DKK4: variants seen among roughly 807,000 people sequenced by gnomAD.
DKK4 encodes the protein dickkopf Wnt signaling pathway inhibitor 4.
In DKK4, 15 loss-of-function variants were observed where a neutral mutation model predicts 14.5. The ratio of observed to expected loss-of-function variants is 1.03; its 90% CI spans 0.69 to 1.59. The LOEUF is 1.59. Among genes scored for constraint, DKK4 ranks in the 40% most tolerant of loss-of-function variants. The pLI, the probability that DKK4 is intolerant of heterozygous loss-of-function variation, is 0.00. For missense variants in DKK4, 272 were observed against 280.3 expected, an observed-to-expected ratio of 0.97 and a Z score of 0.21; for synonymous variants, 89 against 105.2, an observed-to-expected ratio of 0.85 and a Z score of 0.94.
the DKK4 span, among the ~76,000 whole-genome samples, chr8:42,390,577 A>G: frequency 1.3e-5 from 2 of 150,548 alleles, no homozygotes; most frequent in East Asian, 3.9e-4. Context: ...GTTAGCCAGG[A>G]TGGTCTCGAT....
At chr8:42,376,870 A>G in intron 1 of DKK4, 65 bp downstream of exon 1, 1 of 1,319,310 alleles carries the variant, frequency 7.6e-7, no homozygotes, top group Non-Finnish European at 1.1e-6. Context: ...GACTTACTAA[A>G]GCCTAAACAA....
upstream of DKK4, among the ~76,000 whole-genome samples, chr8:42,379,173 C>T (rs1824617588): frequency 6.7e-6 from 1 of 148,890 alleles, no homozygotes; most frequent in South Asian, 2.1e-4. Flanking sequence ...ATTGTTTGAA[C>T]CTAGGAGACC....
At chr8:42,376,444 G>A (rs985730685) in intron 1 of DKK4, among the ~76,000 whole-genome samples, 3 of 152,134 alleles carry the variant, frequency 2.0e-5, no homozygotes, top group South Asian at 2.1e-4. Flanking sequence ...TACATAAAGC[G>A]ATTCCTAAAA....
At chr8:42,379,151 T>C (rs1222785565), upstream of DKK4, among the ~76,000 whole-genome samples, 1 of 148,950 alleles carries the variant, frequency 6.7e-6, no homozygotes, top group Non-Finnish European at 1.5e-5. Context: ...CTCGGGAGGC[T>C]GAGGCAGGAG....
At chr8:42,383,000 T>G in the DKK4 span, among the ~76,000 whole-genome samples, 1 of 152,240 alleles carries the variant, frequency 6.6e-6, no homozygotes, top group Non-Finnish European at 1.5e-5. Flanking sequence ...TTATTTGTTA[T>G]GCCTCCTGTG....
the DKK4 span, among the ~76,000 whole-genome samples, chr8:42,388,997 C>A: frequency 6.6e-6 from 1 of 152,224 alleles, no homozygotes; most frequent in Non-Finnish European, 1.5e-5. Context: ...GGCTGTAGCG[C>A]AGTGGCGCAA....
the DKK4 span, among the ~76,000 whole-genome samples, chr8:42,390,575 G>C: frequency 5.9e-5 from 9 of 151,382 alleles, no homozygotes. Flanking sequence ...GTGTTAGCCA[G>C]GATGGTCTCG....
chr8:42,374,972 C>T, intron 2 of DKK4, 59 bp from the exon 3 acceptor site: 1 of 1,561,804 alleles, frequency 6.4e-7, no homozygotes, highest in South Asian at 1.1e-5. Context: ...ACCACAGACA[C>T]ACTAATTATC....
upstream of DKK4, among the ~76,000 whole-genome samples, chr8:42,377,771 A>G (rs2130874780): frequency 6.6e-6 from 1 of 152,346 alleles, no homozygotes; most frequent in Non-Finnish European, 1.5e-5. Flanking sequence ...TTGTGAACGT[A>G]ACAGCACCTG....
At chr8:42,374,422 T>C in intron 3 of DKK4, 63 bp from the exon 4 acceptor site, 1 of 1,599,340 alleles carries the variant, frequency 6.3e-7, no homozygotes, top group Non-Finnish European at 8.5e-7. Flanking sequence ...GGGGGTTTGC[T>C]ACTGGGATAA....
upstream of DKK4, among the ~76,000 whole-genome samples, chr8:42,378,840 C>T (rs1824609740): frequency 6.6e-6 from 1 of 150,934 alleles, no homozygotes. Context: ...GGCACAGTGG[C>T]TCACACCTGT....
Position 42,375,673 on chromosome 8 carries a change from C to G in DKK4, c.262+7G>C, listed in dbSNP as rs111605859. The G allele has an allele frequency of 3.7e-6, 6 of 1,612,794 alleles. 1 individual carries two copies. Among genetic ancestry groups the G allele is most frequent in the Admixed American group, 3.3e-5 (2 of 60,004 alleles). ...TTAAAAACCACTGTTGGCGTTATGT[C>G]GCTCACCGTTCACACAGAGTGTCCC... On this transcript the variant is annotated splice_region_variant and intron_variant, in intron 2 of 3. Coordinates refer to ENST00000220812, the MANE Select transcript of DKK4 (RefSeq NM_014420.3).
chr8:42,385,901 C>T, the DKK4 span, among the ~76,000 whole-genome samples: 1 of 151,974 alleles, frequency 6.6e-6, no homozygotes, highest in African/African-American at 2.4e-5. Context: ...TAAAATTTTC[C>T]CAATTTTTTT....
chr8:42,374,511 TA>T, intron 3 of DKK4, 152 bp from the exon 4 acceptor site: 3 of 1,139,764 alleles, frequency 2.6e-6, no homozygotes, highest in Non-Finnish European at 2.5e-6. Context: ...GGTGTTACGC[TA>T]AAAGCAGTAA....
chr8:42,390,402 C>G, the DKK4 span, among the ~76,000 whole-genome samples: 1 of 123,474 alleles, frequency 8.1e-6, no homozygotes, highest in Admixed American at 1.0e-4. Context: ...CTCGCTCTGT[C>G]GCCCAGGCTG....
chr8:42,383,889 G>A, the DKK4 span, among the ~76,000 whole-genome samples: 5 of 152,174 alleles, frequency 3.3e-5, no homozygotes, highest in East Asian at 9.6e-4. Context: ...GTTGCCGTGA[G>A]CCAAGATCAT....
upstream of DKK4, among the ~76,000 whole-genome samples, chr8:42,379,380 G>GT (rs1824627237): frequency 1.4e-4 from 2 of 13,878 alleles, no homozygotes; most frequent in Admixed American, 1.2e-3. Context: ...TATATATATA[G>GT]AGAGAGAGAG....
the DKK4 span, among the ~76,000 whole-genome samples, chr8:42,384,100 G>C: frequency 6.6e-6 from 1 of 152,124 alleles, no homozygotes; most frequent in African/African-American, 2.4e-5. Flanking sequence ...AAAACATGGT[G>C]GGGGGAGGTC....
intron 3 of DKK4, 111 bp downstream of exon 3, chr8:42,374,650 C>T (rs955404079): frequency 1.3e-5 from 19 of 1,458,718 alleles, no homozygotes; most frequent in Non-Finnish European, 1.6e-5. Context: ...CACATGCTTC[C>T]TAAGTGTTTC....
Sources: gnomAD v4.1 joint callset for allele counts (sites outside exome capture counted in the v4.1 genomes callset) on GRCh38, gnomAD v4.1.1 for gene constraint, MANE v1.5 for transcripts, NCBI Gene and HGNC (gene_info 2026-07-23, HGNC 2026-07-21) for gene names.